The following MTMR4 variants were observed in gnomAD, a reference collection of about 807,000 sequenced individuals.
MTMR4 encodes phosphatidylinositol-3,5-bisphosphate 3-phosphatase MTMR4.
Under a neutral mutation model 125.5 loss-of-function variants are expected in MTMR4, and 30 were observed. That is an observed-to-expected ratio of 0.24 (90% CI 0.18 to 0.32). MTMR4 has a LOEUF of 0.32. Ranked by LOEUF, MTMR4 falls within the 10% of genes least tolerant of loss-of-function variation. The pLI is 1.00. For synonymous variants in MTMR4, 498 were observed against 564.5 expected (o/e 0.88, Z 1.67); for missense variants, 1,039 against 1,511.5 (o/e 0.69, Z 5.18).
intron 15 of MTMR4, among the ~76,000 whole-genome samples, chr17:58,494,244 C>T (rs892898363): frequency 6.9e-6 from 1 of 145,370 alleles, no homozygotes; most frequent in Non-Finnish European, 1.5e-5. Context: ...GGCGTGAACC[C>T]GGGAGGGCGG....
intron 17 of MTMR4, among the ~76,000 whole-genome samples, chr17:58,492,083 G>A (rs1335457337): frequency 6.6e-6 from 1 of 152,028 alleles, no homozygotes; most frequent in African/African-American, 2.4e-5. Flanking sequence ...GAAAAGTTGG[G>A]GACAAACAAA....
chr17:58,494,688 A>G (rs1200346015), intron 15 of MTMR4, among the ~76,000 whole-genome samples: 4 of 152,162 alleles, frequency 2.6e-5, no homozygotes, highest in African/African-American at 9.7e-5. Flanking sequence ...CACTCAGCTC[A>G]AGCATTACCT....
At chr17:58,494,316 G>C (rs1035285380) in intron 15 of MTMR4, among the ~76,000 whole-genome samples, 7 of 107,026 alleles carry the variant, frequency 6.5e-5, no homozygotes, top group African/African-American at 2.4e-4. Context: ...GCGAGACTCC[G>C]TCTCAAAAAA....
chr17:58,491,855 A>G lies in MTMR4; in HGVS notation c.3453-15T>C. ...TCCCACAATTTCTGTCAAAGCAGAA[A>G]GAGGGAAGAGTTCATCAGAAATGCC... On this transcript the variant is annotated splice_polypyrimidine_tract_variant and intron_variant, in intron 17 of 17. Transcript: ENST00000682306. 6.2e-7 allele frequency: 1 copy of G among 1,608,526 alleles called. No individual in the cohort carries two copies. The highest frequency in any genetic ancestry group is 1.3e-5 in the African/African-American group (1 of 74,940).
At position 58,505,484 on chromosome 17, in the gene MTMR4, G is replaced by T; in HGVS notation, c.1133C>A (p.Pro378Gln). Residue 378 changes from proline to glutamine, a missense_variant, in exon 10 of 18, where the codon CCG becomes CAG. Pro to Gln is a moderately conservative substitution (Grantham distance 76, BLOSUM62 -1). This residue lies in a region of MTMR4 where 107 missense variants were observed against 267.4 expected (regional missense o/e 0.40). Transcript: ENST00000682306. ...QYLRAVCSQMPDPSNWLSALE... is the reference protein window; with the variant it reads ...QYLRAVCSQMQDPSNWLSALE... ...AGGGAACACCTACTTGCTAGGATCC[G>T]GCATCTGGCTACACACAGCCCGGAG... is the stretch of plus-strand genomic sequence containing the variant. The T allele has an allele frequency of 6.2e-7, 1 of 1,612,096 alleles. No homozygotes were observed. The highest frequency in any genetic ancestry group is 1.1e-5 in the South Asian group (1 of 90,998).
intron 14 of MTMR4, 29 bp downstream of exon 14, chr17:58,503,715 G>A: frequency 6.3e-7 from 1 of 1,597,380 alleles, no homozygotes; most frequent in Non-Finnish European, 8.5e-7. Context: ...CTAGTGGAGA[G>A]AGGAGAAAGG....
chr17:58,517,099 G>GTA (rs2042028044), upstream of MTMR4, among the ~76,000 whole-genome samples: 1 of 152,058 alleles, frequency 6.6e-6, no homozygotes, highest in Non-Finnish European at 1.5e-5. Flanking sequence ...GTTTACTGGG[G>GTA]GCAGAGTCCA....
chr17:58,492,377 G>A, intron 17 of MTMR4, 134 bp downstream of exon 17: 1 of 729,598 alleles, frequency 1.4e-6, no homozygotes, highest in Non-Finnish European at 2.3e-6. Flanking sequence ...TACCATGTTG[G>A]CCAGGATGGT....
In MTMR4 at chr17:58,490,923, G is replaced by C. The variant is rs756352974; in HGVS notation, c.*740C>G. 6.5e-6 allele frequency: 1 copy of C among 152,734 alleles called. No individual in the cohort carries two copies. Among genetic ancestry groups the C allele is most frequent in the African/African-American group, 2.4e-5 (1 of 41,574 alleles). The allele number at this position is 152,734 out of a possible 1,614,324, so 9.5% of individuals were successfully genotyped here. On this transcript the variant is annotated 3_prime_UTR_variant, in exon 18 of 18. Transcript: ENST00000682306. Reference sequence around the variant, plus strand: ...ACTCAAGAGCTGCCACTGTGTAACAGAGACGACTGCCTTCACAGCTCAAAA... The same window carrying C: ...ACTCAAGAGCTGCCACTGTGTAACACAGACGACTGCCTTCACAGCTCAAAA...
chr17:58,516,712 C>T, upstream of MTMR4: 1 of 1,107,492 alleles, frequency 9.0e-7, no homozygotes, highest in Non-Finnish European at 1.4e-6. Flanking sequence ...ACCTTCTCTA[C>T]AACTCTTATT....
chr17:58,505,202 A>C (rs956307904), intron 10 of MTMR4, among the ~76,000 whole-genome samples: 1 of 152,214 alleles, frequency 6.6e-6, no homozygotes, highest in Non-Finnish European at 1.5e-5. Flanking sequence ...GAAGCATCAC[A>C]TGCACACTCA....
At chr17:58,513,517 C>T (rs1163754463) in intron 1 of MTMR4, among the ~76,000 whole-genome samples, 1 of 152,132 alleles carries the variant, frequency 6.6e-6, no homozygotes, top group Admixed American at 6.5e-5. Context: ...TCTTGTTAGA[C>T]CCACATTGCT....
At chr17:58,499,877 G>A (rs1176360103) in intron 14 of MTMR4, among the ~76,000 whole-genome samples, 4 of 151,000 alleles carry the variant, frequency 2.6e-5, no homozygotes, top group Non-Finnish European at 5.9e-5. Context: ...TGATCCGCCC[G>A]CCTCGGCCTC....
intron 14 of MTMR4, among the ~76,000 whole-genome samples, chr17:58,498,086 G>A (rs926590986): frequency 4.6e-5 from 7 of 151,948 alleles, no homozygotes; most frequent in African/African-American, 1.7e-4. Context: ...AAACTAGCTG[G>A]GCATGGTGGT....
At chr17:58,506,705 G>A in intron 9 of MTMR4, 38 bp downstream of exon 9, 1 of 1,606,598 alleles carries the variant, frequency 6.2e-7, no homozygotes, top group African/African-American at 1.3e-5. Context: ...GCCACCCAGA[G>A]CACAGGCTGG....
At position 58,491,506 on chromosome 17, in the gene MTMR4, TC is replaced by T; in HGVS notation, c.*156del. 1 of 735,812 alleles carries T rather than the reference TC, an allele frequency of 1.4e-6. No homozygotes were observed. Among genetic ancestry groups the T allele is most frequent in the Non-Finnish European group, 2.1e-6 (1 of 471,588 alleles). The allele number at this position is 735,812 out of a possible 1,614,324, so 45.6% of individuals were successfully genotyped here. On this transcript the variant is annotated 3_prime_UTR_variant, in exon 18 of 18. Coordinates refer to ENST00000682306, the MANE Select transcript of MTMR4 (RefSeq NM_001378067.1). Reference sequence around the variant, plus strand: ...AGAGGACCTCCTGCTAAATTGCAATTCCTCTGCTCCAGTTTCATGATACCAA... The same window carrying T: ...AGAGGACCTCCTGCTAAATTGCAATTCTCTGCTCCAGTTTCATGATACCAA...
At position 58,508,715 on chromosome 17, in the gene MTMR4, G is replaced by C. The variant is rs144773381; in HGVS notation, c.462C>G (p.Thr154=). The C allele has an allele frequency of 6.2e-7, 1 of 1,614,190 alleles. No individual in the cohort carries two copies. Among genetic ancestry groups the C allele is most frequent in the South Asian group, 1.1e-5 (1 of 91,076 alleles). The stretch of plus-strand genomic sequence containing the variant: ...ATAGGTGAGTGTGCTGGTCCTCCTC[G>C]GTCAGCCCCAGGCACCAGGCATGGT... ...FAYHAWCLGL[T]EEDQHTHLCQ... The change falls in exon 5 of 18, where the codon ACC becomes ACG. Residue 154 remains threonine (T), a synonymous_variant. Transcript: ENST00000682306. The surrounding 1 kb of genome is among the most constrained non-coding windows in gnomAD (Gnocchi z 4.8).
intron 9 of MTMR4, 115 bp from the exon 10 acceptor site, chr17:58,505,698 A>G (rs189219194): frequency 1.4e-4 from 83 of 581,632 alleles, no homozygotes; most frequent in African/African-American, 1.4e-3. Flanking sequence ...ACCTGAGGTC[A>G]GGAGTTCAAG....
rs1229650441 is a variant in MTMR4 at position 58,508,993 on chromosome 17, G to A, written c.336-152C>T. On this transcript the variant is annotated intron_variant, in intron 4 of 17. Coordinates refer to ENST00000682306, the MANE Select transcript of MTMR4 (RefSeq NM_001378067.1). This position sits in a 1 kb window ranked among gnomAD's most constrained non-coding sequence, Gnocchi z 4.8. ...GTGGGGACCCAGGGTGGGGGGACGA[G>A]GGACACTGGCCAACACCCAACAGAA... The A allele has an allele frequency of 1.3e-6, 1 of 744,640 alleles. No individual in the cohort carries two copies. The highest frequency in any genetic ancestry group is 2.1e-6 in the Non-Finnish European group (1 of 465,428). The allele number at this position is 744,640 out of a possible 1,614,324, so 46.1% of individuals were successfully genotyped here.
Sources: allele counts gnomAD v4.1 joint callset (sites outside exome capture counted in the v4.1 genomes callset), GRCh38; gene constraint gnomAD v4.1.1; regional missense constraint gnomAD v4.1.1; non-coding constraint Gnocchi (gnomAD v3.1); transcripts MANE v1.5; gene names NCBI Gene and HGNC (gene_info 2026-07-23, HGNC 2026-07-21).